Variants in VOPP1 observed in about 807,000 individuals in gnomAD.
The protein encoded by VOPP1 is VOPP1 WW domain binding protein.
Under a neutral mutation model 23.5 loss-of-function variants are expected in VOPP1, and 8 were observed. The observed-to-expected ratio is 0.34, with a 90% CI of 0.20 to 0.61. VOPP1 has a LOEUF of 0.61. VOPP1 is among the 20% of genes least tolerant of loss of function. The probability of loss-of-function intolerance (pLI) is 0.78; values close to 1 mark genes in which losing one functional copy is unlikely to be tolerated. For synonymous variants in VOPP1, 83 were observed against 97.3 expected (o/e 0.85, Z 0.86); for missense variants, 174 against 238.1 (o/e 0.73, Z 1.77).
chr7:55,476,196 A>G (rs1792236386), intron 4 of VOPP1, among the ~76,000 whole-genome samples: 1 of 152,186 alleles, frequency 6.6e-6, no homozygotes, highest in Non-Finnish European at 1.5e-5. Flanking sequence ...ACAATGCTGG[A>G]GTCATTTTAC....
intron 1 of VOPP1, chr7:55,521,695 G>A: frequency 1.0e-6 from 1 of 987,130 alleles, no homozygotes; most frequent in Non-Finnish European, 1.2e-6. Context: ...GGTAAGTCCA[G>A]CTCCTAACAT....
At chr7:55,451,546 C>T (rs1055608320) in intron 4 of VOPP1, among the ~76,000 whole-genome samples, 2 of 152,222 alleles carry the variant, frequency 1.3e-5, no homozygotes, top group African/African-American at 4.8e-5. Flanking sequence ...AATCCCAGCA[C>T]TTTGGGAGGC....
At chr7:55,451,932 G>T (rs1035889359) in intron 4 of VOPP1, among the ~76,000 whole-genome samples, 2 of 152,188 alleles carry the variant, frequency 1.3e-5, no homozygotes, top group African/African-American at 4.8e-5. Flanking sequence ...CTAAAGGTTG[G>T]ACTGGCTGTG....
chr7:55,478,661 A>G (rs904454216), intron 4 of VOPP1, among the ~76,000 whole-genome samples: 1 of 152,232 alleles, frequency 6.6e-6, no homozygotes, highest in Non-Finnish European at 1.5e-5. Flanking sequence ...CCTGCCTCCA[A>G]CCAAGTACCT....
At chr7:55,528,862 A>C (rs1377986630) in intron 1 of VOPP1, among the ~76,000 whole-genome samples, 1 of 152,250 alleles carries the variant, frequency 6.6e-6, no homozygotes, top group Non-Finnish European at 1.5e-5. Context: ...TAGAAAGTTT[A>C]TCATGGAAAA....
intron 1 of VOPP1, among the ~76,000 whole-genome samples, chr7:55,532,199 AC>A (rs1374047012): frequency 6.6e-6 from 1 of 152,260 alleles, no homozygotes; most frequent in Non-Finnish European, 1.5e-5. Flanking sequence ...TGATGGTGCC[AC>A]CCACATTTAA....
intron 1 of VOPP1, among the ~76,000 whole-genome samples, chr7:55,561,228 C>A (rs186757697): frequency 6.6e-6 from 1 of 152,238 alleles, no homozygotes; most frequent in African/African-American, 2.4e-5. Flanking sequence ...AGGTCACCAA[C>A]CTTTCCCCAC....
intron 4 of VOPP1, among the ~76,000 whole-genome samples, chr7:55,440,218 G>A (rs566907459): frequency 6.6e-6 from 1 of 152,320 alleles, no homozygotes; most frequent in South Asian, 2.1e-4. Context: ...CAGAACATTC[G>A]TGAGTGGGGA....
intron 1 of VOPP1, among the ~76,000 whole-genome samples, chr7:55,527,280 T>C (rs1004951371): frequency 6.6e-6 from 1 of 152,192 alleles, no homozygotes; most frequent in African/African-American, 2.4e-5. Flanking sequence ...ATGTCTTATC[T>C]CCAAGAAACC....
chr7:55,481,850 C>T (rs547370847), intron 4 of VOPP1, among the ~76,000 whole-genome samples: 1 of 152,288 alleles, frequency 6.6e-6, no homozygotes, highest in South Asian at 2.1e-4. Context: ...CACAGAAGCA[C>T]GAAGTTTGAA....
chr7:55,536,075 G>A (rs558264519), intron 1 of VOPP1, among the ~76,000 whole-genome samples: 7 of 152,328 alleles, frequency 4.6e-5, no homozygotes, highest in African/African-American at 1.7e-4. Flanking sequence ...CACCCTGTTG[G>A]CCCCAGTGCC....
chr7:55,443,486 A>G (rs753029564), intron 4 of VOPP1, among the ~76,000 whole-genome samples: 8 of 152,050 alleles, frequency 5.3e-5, no homozygotes, highest in Non-Finnish European at 1.0e-4. Flanking sequence ...CGCAGGAGGC[A>G]GAGCTTGCAG....
chr7:55,488,876 A>G (rs17172488), intron 4 of VOPP1, among the ~76,000 whole-genome samples: 2,021 of 152,360 alleles, frequency 0.013, 13 homozygotes, highest in Middle Eastern at 0.02. Flanking sequence ...GGACAGCCTC[A>G]GGCATGACAT....
intron 4 of VOPP1, among the ~76,000 whole-genome samples, chr7:55,440,921 G>T (rs894982434): frequency 5.9e-5 from 9 of 152,170 alleles, no homozygotes; most frequent in Non-Finnish European, 1.0e-4. Context: ...TCCTTGTCCT[G>T]TGCCAAAACC....
At chr7:55,552,768 G>A in intron 1 of VOPP1, 2 of 1,528,718 alleles carry the variant, frequency 1.3e-6, no homozygotes, top group South Asian at 1.2e-5. Context: ...CAGAGAGGCA[G>A]CAAGTGGAGC....
chr7:55,441,903 C>T (rs745838041), intron 4 of VOPP1, among the ~76,000 whole-genome samples: 1 of 152,192 alleles, frequency 6.6e-6, no homozygotes, highest in Non-Finnish European at 1.5e-5. Flanking sequence ...AAAATTAGCA[C>T]ATTTTGAGTC....
chr7:55,560,389 G>A (rs1258579082), intron 1 of VOPP1, among the ~76,000 whole-genome samples: 2 of 152,162 alleles, frequency 1.3e-5, no homozygotes, highest in Non-Finnish European at 1.5e-5. Flanking sequence ...GGTAATTCAG[G>A]TGGGCCCAAT....
Position 55,572,383 on chromosome 7 carries a change from T to G in VOPP1, c.-59A>C. 2.5e-6 allele frequency: 3 copies of G among 1,211,036 alleles called. No homozygotes were observed. Among genetic ancestry groups the G allele is most frequent in the Non-Finnish European group, 3.1e-6 (3 of 961,770 alleles). The allele number at this position is 1,211,036 out of a possible 1,614,324, so 75.0% of individuals were successfully genotyped here. Reference sequence around the variant, plus strand: ...CCGGGTCGCAGGCGCGCTTCGCGACTCGGCCCCCGCGCGGGGCGGGCGGGC... The same window carrying G: ...CCGGGTCGCAGGCGCGCTTCGCGACGCGGCCCCCGCGCGGGGCGGGCGGGC... On this transcript the variant is annotated 5_prime_UTR_variant, in exon 1 of 5. Coordinates refer to ENST00000285279, the MANE Select transcript of VOPP1 (RefSeq NM_030796.5).
chr7:55,547,749 C>A (rs74568215), intron 1 of VOPP1, among the ~76,000 whole-genome samples: 1,672 of 152,222 alleles, frequency 0.011, 11 homozygotes, highest in Middle Eastern at 0.02. Flanking sequence ...ACTCATTAAC[C>A]ATCAGCTAGA....
Sources: allele counts gnomAD v4.1 joint callset (sites outside exome capture counted in the v4.1 genomes callset), GRCh38; gene constraint gnomAD v4.1.1; transcripts MANE v1.5; gene names NCBI Gene and HGNC (gene_info 2026-07-23, HGNC 2026-07-21).